The following CDH13 variants were observed in gnomAD, a reference collection of about 807,000 sequenced individuals.
CDH13 encodes cadherin-13.
CDH13 carries 24 observed loss-of-function variants against 63.8 expected under a neutral mutation model. The ratio of observed to expected loss-of-function variants is 0.38; its 90% CI spans 0.27 to 0.53. The LOEUF is 0.53. CDH13 is among the 20% of genes least tolerant of loss of function. CDH13 has a pLI of 0.85. For missense variants in CDH13, 1,049 were observed against 903.1 expected (o/e 1.16, Z -2.07); for synonymous variants, 503 against 355.3 (o/e 1.42, Z -4.67).
At chr16:83,497,625 A>G (rs1275351978) in intron 7 of CDH13, among the ~76,000 whole-genome samples, 2 of 152,126 alleles carry the variant, frequency 1.3e-5, no homozygotes, top group African/African-American at 2.4e-5. Flanking sequence ...ACTAACCTGC[A>G]CAATGTGCAC....
intron 7 of CDH13, among the ~76,000 whole-genome samples, chr16:83,601,201 C>T (rs1015095684): frequency 6.6e-6 from 1 of 152,010 alleles, no homozygotes; most frequent in Non-Finnish European, 1.5e-5. Flanking sequence ...AGGATAGGTC[C>T]CCAAAGGAAA....
At chr16:82,969,047 C>G (rs147706213) in intron 2 of CDH13, among the ~76,000 whole-genome samples, 2 of 152,126 alleles carry the variant, frequency 1.3e-5, no homozygotes, top group African/African-American at 4.8e-5. Flanking sequence ...GCAGAAGTTG[C>G]AGTAAGCCAA....
At chr16:82,947,505 C>T (rs1025304198) in intron 2 of CDH13, among the ~76,000 whole-genome samples, 1 of 152,042 alleles carries the variant, frequency 6.6e-6, no homozygotes, top group Non-Finnish European at 1.5e-5. Context: ...TTCGGTTTTT[C>T]CATTTGCTTA....
chr16:82,671,085 G>A (rs1003702779), intron 1 of CDH13, among the ~76,000 whole-genome samples: 2 of 151,896 alleles, frequency 1.3e-5, no homozygotes, highest in Non-Finnish European at 2.9e-5. Context: ...ATTAGATGGC[G>A]AGGGGAAAGT....
intron 10 of CDH13, among the ~76,000 whole-genome samples, chr16:83,733,377 C>T (rs566303376): frequency 6.6e-5 from 10 of 152,302 alleles, no homozygotes; most frequent in South Asian, 4.1e-4. Flanking sequence ...GCAGCCCTCC[C>T]GGTAACCTGG....
chr16:83,546,410 T>A (rs61192601), intron 7 of CDH13, among the ~76,000 whole-genome samples: 1,629 of 150,636 alleles, frequency 0.011, 36 homozygotes, highest in African/African-American at 0.037. Context: ...CTGTTATGCA[T>A]TTGTTAGCCA....
At chr16:83,688,586 A>G (rs1346359132) in intron 10 of CDH13, among the ~76,000 whole-genome samples, 1 of 152,214 alleles carries the variant, frequency 6.6e-6, no homozygotes, top group Non-Finnish European at 1.5e-5. Context: ...CCTCAATAAC[A>G]GGATCTGGGA....
At chr16:83,720,469 C>T (rs960516680) in intron 10 of CDH13, among the ~76,000 whole-genome samples, 1 of 151,962 alleles carries the variant, frequency 6.6e-6, no homozygotes, top group Non-Finnish European at 1.5e-5. Context: ...GGAAGTTGGG[C>T]GTAATGGCTC....
intron 2 of CDH13, among the ~76,000 whole-genome samples, chr16:82,879,757 C>T (rs2040628066): frequency 7.4e-6 from 1 of 135,516 alleles, no homozygotes; most frequent in South Asian, 2.3e-4. Flanking sequence ...GAGTATATAA[C>T]ATATTTACAT....
intron 1 of CDH13, among the ~76,000 whole-genome samples, chr16:82,683,591 A>T (rs1419545610): frequency 6.6e-6 from 1 of 152,232 alleles, no homozygotes; most frequent in African/African-American, 2.4e-5. Flanking sequence ...AGCAGCTCTC[A>T]AGGGGTAAGA....
At chr16:82,784,596 G>A (rs1279915077) in intron 1 of CDH13, among the ~76,000 whole-genome samples, 1 of 152,146 alleles carries the variant, frequency 6.6e-6, no homozygotes, top group African/African-American at 2.4e-5. Context: ...AACCTAGTGA[G>A]GGAAGAAGAA....
At chr16:82,868,012 A>G (rs529186495) in intron 2 of CDH13, among the ~76,000 whole-genome samples, 16 of 152,304 alleles carry the variant, frequency 1.1e-4, no homozygotes, top group Non-Finnish European at 2.1e-4. Flanking sequence ...CATTCTTCAC[A>G]CATCCTTTAC....
chr16:82,959,744 C>T (rs1357705021), intron 2 of CDH13, among the ~76,000 whole-genome samples: 1 of 152,216 alleles, frequency 6.6e-6, no homozygotes, highest in Non-Finnish European at 1.5e-5. Context: ...TCCTTTATAT[C>T]TCCGAGTAGT....
intron 5 of CDH13, among the ~76,000 whole-genome samples, chr16:83,241,633 T>C (rs1272316093): frequency 2.0e-5 from 3 of 152,216 alleles, no homozygotes; most frequent in African/African-American, 4.8e-5. Context: ...ATAACTTCCT[T>C]GGAGAATTAT....
chr16:83,084,818 G>A (rs568679534), intron 3 of CDH13, among the ~76,000 whole-genome samples: 2 of 152,290 alleles, frequency 1.3e-5, no homozygotes, highest in South Asian at 2.1e-4. Flanking sequence ...AACCCAGGAG[G>A]CAGAGGTTGC....
At chr16:83,288,586 G>T (rs147107497) in intron 5 of CDH13, among the ~76,000 whole-genome samples, 82 of 152,276 alleles carry the variant, frequency 5.4e-4, no homozygotes, top group South Asian at 2.3e-3. Flanking sequence ...GTCCAGGCAG[G>T]ACCTCTCTGC....
At chr16:83,158,163 C>G (rs998690335) in intron 4 of CDH13, among the ~76,000 whole-genome samples, 1 of 151,984 alleles carries the variant, frequency 6.6e-6, no homozygotes, top group Non-Finnish European at 1.5e-5. Flanking sequence ...CCAGGTACTC[C>G]CACTCCCCCC....
intron 3 of CDH13, among the ~76,000 whole-genome samples, chr16:83,068,294 T>G (rs1372548982): frequency 6.6e-6 from 1 of 152,188 alleles, no homozygotes; most frequent in Non-Finnish European, 1.5e-5. Flanking sequence ...CCATATAACT[T>G]TCATCCCCAC....
intron 1 of CDH13, among the ~76,000 whole-genome samples, chr16:82,707,247 G>T (rs183578764): frequency 6.6e-6 from 1 of 152,300 alleles, no homozygotes; most frequent in South Asian, 2.1e-4. Flanking sequence ...TTGCTAATGA[G>T]GCTATGTATA....
Sources: gnomAD v4.1 joint callset for allele counts (sites outside exome capture counted in the v4.1 genomes callset) on GRCh38, gnomAD v4.1.1 for gene constraint, MANE v1.5 for transcripts, NCBI Gene and HGNC (gene_info 2026-07-23, HGNC 2026-07-21) for gene names.